Variants in PIEZO2 observed in about 807,000 individuals in gnomAD.
PIEZO2 encodes the protein piezo-type mechanosensitive ion channel component 2.
Under a neutral mutation model 337.3 loss-of-function variants are expected in PIEZO2, and 172 were observed. The observed-to-expected ratio is 0.51, with a 90% CI of 0.45 to 0.58. The LOEUF (loss-of-function observed/expected upper bound fraction) is 0.58, where lower values mean the gene tolerates loss of function less well. Ranked by LOEUF, PIEZO2 falls within the 20% of genes least tolerant of loss-of-function variation. The pLI, the probability that PIEZO2 is intolerant of heterozygous loss-of-function variation, is 0.00. For missense variants in PIEZO2, 3,028 were observed against 3,391.3 expected (o/e 0.89, Z 2.66); for synonymous variants, 1,251 against 1,228.5 (o/e 1.02, Z -0.38).
chr18:10,844,136 G>A (rs1728029), intron 7 of PIEZO2, among the ~76,000 whole-genome samples: 48,426 of 152,078 alleles, frequency 0.32, 8,367 homozygotes, highest in East Asian at 0.65. Flanking sequence ...ATAAAGGTGT[G>A]GGCTGGGCAC....
At position 10,774,099 on chromosome 18, in the gene PIEZO2, G is replaced by A. The variant is rs2038702600; in HGVS notation, c.2535-61C>T. On this transcript the variant is annotated intron_variant, in intron 18 of 55. Transcript: ENST00000674853. ...GAGATGAGAACAGAAGAATTATAAG[G>A]AATGTCAGAGATCACATATCATGCT... 5.7e-6 allele frequency: 4 copies of A among 700,434 alleles called. No individual in the cohort carries two copies. The African/African-American group carries it at 7.0e-5, about 12-fold the overall frequency. 43.4% of individuals were successfully genotyped at this position (700,434 alleles called of 1,614,324 possible).
At chr18:10,960,837 T>G (rs2033739327) in intron 3 of PIEZO2, among the ~76,000 whole-genome samples, 1 of 152,206 alleles carries the variant, frequency 6.6e-6, no homozygotes, top group Non-Finnish European at 1.5e-5. Context: ...ATGAAGAGAC[T>G]GGACTGTGTC....
At chr18:10,745,853 G>A (rs1357252020) in intron 30 of PIEZO2, among the ~76,000 whole-genome samples, 1 of 152,076 alleles carries the variant, frequency 6.6e-6, no homozygotes. Flanking sequence ...AACTGGCTGA[G>A]TTTCATGTGC....
intron 18 of PIEZO2, among the ~76,000 whole-genome samples, chr18:10,777,198 C>A (rs572637974): frequency 1.6e-4 from 24 of 152,310 alleles, no homozygotes; most frequent in African/African-American, 5.8e-4. Context: ...TTTCCTTGCT[C>A]TTATTCAGGC....
At chr18:10,689,932 T>A (rs2034728514) in intron 48 of PIEZO2, 130 bp from the exon 49 acceptor site, 1 of 1,088,178 alleles carries the variant, frequency 9.2e-7, no homozygotes, top group Admixed American at 3.2e-5. Flanking sequence ...AGGTGACCCT[T>A]CCAGTAAAAC....
At chr18:11,123,460 T>C (rs2040086191) in intron 1 of PIEZO2, among the ~76,000 whole-genome samples, 2 of 152,206 alleles carry the variant, frequency 1.3e-5, no homozygotes, top group South Asian at 2.1e-4. Flanking sequence ...GATCACTCTA[T>C]ATTCATGTGA....
Position 10,701,721 on chromosome 18 carries a change from G to A in PIEZO2, c.6441+268C>T, listed in dbSNP as rs58329454. On this transcript the variant is annotated intron_variant, in intron 43 of 55. Transcript: ENST00000674853. ...ATTCACGATTACACATTTAACCTAG[G>A]TTGGAAACATGGGGAAACATTCTCC... 702 of 340,068 alleles carry A rather than the reference G, an allele frequency of 2.1e-3. 5 individuals carry two copies. Among genetic ancestry groups the A allele is most frequent in the African/African-American group, 0.013 (620 of 46,854 alleles). 21.1% of individuals were successfully genotyped at this position (340,068 alleles called of 1,614,324 possible). A position where few individuals can be genotyped will look rare whatever the true frequency, so the allele number is the denominator to read the frequency against.
At chr18:10,733,356 G>A (rs2036861468) in intron 35 of PIEZO2, among the ~76,000 whole-genome samples, 1 of 152,012 alleles carries the variant, frequency 6.6e-6, no homozygotes, top group Admixed American at 6.6e-5. Flanking sequence ...GAATTATTAA[G>A]AGGGTCAGAA....
intron 16 of PIEZO2, 77 bp downstream of exon 16, chr18:10,786,959 T>C: frequency 7.4e-7 from 1 of 1,346,464 alleles, no homozygotes; most frequent in Non-Finnish European, 1.0e-6. Context: ...TTTACTAAAA[T>C]CTTCCTTAAA....
rs1472567257 is a variant in PIEZO2, at chr18:10,801,372, T to C, written c.1239+18A>G. 6.8e-6 allele frequency: 10 copies of C among 1,469,970 alleles called. No homozygotes were observed. The highest frequency in any genetic ancestry group is 1.4e-5 in the African/African-American group (1 of 71,408). 91.1% of individuals were successfully genotyped at this position (1,469,970 alleles called of 1,614,324 possible). A position where few individuals can be genotyped will look rare whatever the true frequency, so the allele number is the denominator to read the frequency against. ...TCACTTACACATGCATAAATGATAA[T>C]TCTAAGGGTATACTAACATCAGATG... On this transcript the variant is annotated intron_variant, in intron 10 of 55. Transcript: ENST00000674853.
chr18:10,700,518 G>C (rs568419909), intron 43 of PIEZO2, among the ~76,000 whole-genome samples: 80 of 151,894 alleles, frequency 5.3e-4, no homozygotes, highest in African/African-American at 1.9e-3. Flanking sequence ...GAAACACCAA[G>C]ATTTTATTAT....
In PIEZO2 at chr18:10,750,029, G is replaced by C. The variant is rs756066305; in HGVS notation, c.4264+62C>G. 18 of 1,295,342 alleles carry C rather than the reference G, an allele frequency of 1.4e-5. No homozygotes were observed. Among genetic ancestry groups the C allele is most frequent in the Admixed American group, 8.0e-5 (4 of 50,236 alleles). The allele number at this position is 1,295,342 out of a possible 1,614,324, so 80.2% of individuals were successfully genotyped here. ...GTGCTTTGGCCCACTTTTAAAACTA[G>C]AACAATACAACTATCCTCCCTCTTC... is the stretch of plus-strand genomic sequence containing the variant. On this transcript the variant is annotated intron_variant, in intron 29 of 55. Transcript: ENST00000674853. This position sits in a 1 kb window ranked among gnomAD's most constrained non-coding sequence, Gnocchi z 4.1.
intron 1 of PIEZO2, among the ~76,000 whole-genome samples, chr18:11,114,560 G>A (rs1400400804): frequency 6.6e-6 from 1 of 152,148 alleles, no homozygotes; most frequent in African/African-American, 2.4e-5. Context: ...AGCTACTTGG[G>A]AGACTGAGGT....
chr18:11,066,129 T>G lies in PIEZO2; in HGVS notation c.158A>C (p.Gln53Pro), dbSNP rs1316183316. 14 of 1,530,142 alleles carry G rather than the reference T, an allele frequency of 9.1e-6. No homozygotes were observed. In the East Asian group the frequency reaches 3.4e-4, roughly 37 times the overall value. The allele number at this position is 1,530,142 out of a possible 1,614,324, so 94.8% of individuals were successfully genotyped here. A position where few individuals can be genotyped will look rare whatever the true frequency, so the allele number is the denominator to read the frequency against. The change falls in exon 2 of 56, where the codon CAA (glutamine) becomes CCA (proline). Residue 53 changes from glutamine (Q) to proline (P), a missense_variant and splice_region_variant. Physicochemically the swap from Gln to Pro is moderately conservative, Grantham distance 76. Around this residue, in one of 5 missense-constraint regions of PIEZO2, gnomAD observed 542 missense variants for 605.6 expected, o/e 0.89. Coordinates refer to ENST00000674853, the MANE Select transcript of PIEZO2 (RefSeq NM_001378183.1). ...ATACGATAACAAAATTCTCTTACCT[T>G]GCATCGTCGTTTTTGTTGGTTCTGA... ...LFSEPTKTTMQGHTGRLLKSL... is the reference protein window; with the variant it reads ...LFSEPTKTTMPGHTGRLLKSL...
At position 10,980,681 on chromosome 18, in the gene PIEZO2, G is replaced by A. The variant is rs1269793405; in HGVS notation, c.161-1021C>T. ...ATATAAGAATTTAGAAAATGATTCA[G>A]ATACAAAATCATCTTACAAAAATGA... is the stretch of plus-strand genomic sequence containing the variant. On this transcript the variant is annotated intron_variant, in intron 2 of 55. Coordinates refer to ENST00000674853, the MANE Select transcript of PIEZO2 (RefSeq NM_001378183.1). The surrounding 1 kb of genome is among the most constrained non-coding windows in gnomAD (Gnocchi z 4.8). Among the ~76,000 whole-genome samples, 1 of 152,118 alleles carries A rather than the reference G, an allele frequency of 6.6e-6. No individual in the cohort carries two copies. The highest frequency in any genetic ancestry group is 1.5e-5 in the Non-Finnish European group (1 of 68,014).
rs545444735 is a variant in PIEZO2 at position 11,012,028 on chromosome 18, T to C, written c.161-32368A>G. ...AAACATCTGTAAAACCGAAGAAAGG[T>C]AGGTCACCAATGGTGTTTATTGTCT... On this transcript the variant is annotated intron_variant, in intron 2 of 55. Coordinates refer to ENST00000674853, the MANE Select transcript of PIEZO2 (RefSeq NM_001378183.1). 3.5e-4 allele frequency among the ~76,000 whole-genome samples: 54 copies of C among 152,184 alleles called. No individual in the cohort carries two copies. The South Asian group carries it at 0.011, about 30-fold the overall frequency.
chr18:10,852,440 T>G lies in PIEZO2; in HGVS notation c.917+2913A>C, dbSNP rs138182622. 1.6e-3 allele frequency among the ~76,000 whole-genome samples: 250 copies of G among 152,306 alleles called. 2 individuals are homozygous for G. The highest frequency in any genetic ancestry group is 1.8e-3 in the Non-Finnish European group (121 of 68,030). On this transcript the variant is annotated intron_variant, in intron 7 of 55. Coordinates refer to ENST00000674853, the MANE Select transcript of PIEZO2 (RefSeq NM_001378183.1). ...TTTAAGTGGTCTTAAAGGATTTGAC[T>G]GAATAGCTCTCTATAGCATGTGCCC...
In PIEZO2 at chr18:10,828,449, C is replaced by T. The variant is rs1286082427; in HGVS notation, c.918-21175G>A. ...TGGGGATTTTGGTGCATTTTAACAG[C>T]TTCTTCAATTAAGGGATTCATGTTT... On this transcript the variant is annotated intron_variant, in intron 7 of 55. Coordinates refer to ENST00000674853, the MANE Select transcript of PIEZO2 (RefSeq NM_001378183.1). The surrounding 1 kb of genome is among the most constrained non-coding windows in gnomAD (Gnocchi z 4.1). 6.6e-6 allele frequency among the ~76,000 whole-genome samples: 1 copy of T among 152,090 alleles called. No individual in the cohort carries two copies. Among genetic ancestry groups the T allele is most frequent in the African/African-American group, 2.4e-5 (1 of 41,434 alleles).
At position 10,677,641 on chromosome 18, in the gene PIEZO2, C is replaced by T; in HGVS notation, c.8081+106G>A. 2 of 1,343,630 alleles carry T rather than the reference C, an allele frequency of 1.5e-6. No homozygotes were observed. Among genetic ancestry groups the T allele is most frequent in the Non-Finnish European group, 2.1e-6 (2 of 974,420 alleles). 83.2% of individuals were successfully genotyped at this position (1,343,630 alleles called of 1,614,324 possible). A position where few individuals can be genotyped will look rare whatever the true frequency, so the allele number is the denominator to read the frequency against. On this transcript the variant is annotated intron_variant, in intron 53 of 55. Transcript: ENST00000674853. This position sits in a 1 kb window ranked among gnomAD's most constrained non-coding sequence, Gnocchi z 4.1. ...CAAATAGAAATTAACTTTGTGTTAC[C>T]AAAGAATGAAGTTGCATTCCTCATA...
Sources: gnomAD v4.1 joint callset for allele counts (sites outside exome capture counted in the v4.1 genomes callset) on GRCh38, gnomAD v4.1.1 for gene constraint, gnomAD v4.1.1 regional missense constraint, Gnocchi (gnomAD v3.1) non-coding constraint, MANE v1.5 for transcripts, NCBI Gene and HGNC (gene_info 2026-07-23, HGNC 2026-07-21) for gene names.